Variants in LARGE1 observed in about 807,000 individuals in gnomAD.
The protein encoded by LARGE1 is xylosyl- and glucuronyltransferase LARGE1.
A neutral mutation model predicts 87.6 loss-of-function variants in LARGE1; 43 were observed. The observed-to-expected ratio is 0.49, with a 90% CI of 0.38 to 0.63. LARGE1 has a LOEUF of 0.63. Among genes scored for constraint, LARGE1 ranks in the 30% least tolerant of loss-of-function variants. The pLI, the probability that LARGE1 is intolerant of heterozygous loss-of-function variation, is 0.00. For missense variants in LARGE1, 802 were observed against 1,000.2 expected (o/e 0.80, Z 2.67); for synonymous variants, 434 against 394.6 (o/e 1.10, Z -1.18).
At chr22:33,424,469 G>C (rs2066803673) in intron 7 of LARGE1, among the ~76,000 whole-genome samples, 1 of 152,152 alleles carries the variant, frequency 6.6e-6, no homozygotes, top group Non-Finnish European at 1.5e-5. Flanking sequence ...TGATTAAGCA[G>C]GTGCAATGAT....
At chr22:33,106,527 G>T in the LARGE1 span, among the ~76,000 whole-genome samples, 8 of 150,590 alleles carry the variant, frequency 5.3e-5, no homozygotes, top group Non-Finnish European at 1.0e-4. Context: ...ACGGAATCTT[G>T]CTCTGTCGCC....
chr22:33,398,131 C>T (rs976311032), intron 7 of LARGE1, among the ~76,000 whole-genome samples: 3 of 151,940 alleles, frequency 2.0e-5, no homozygotes, highest in African/African-American at 7.3e-5. Flanking sequence ...CAACAGAGAC[C>T]CCCTTCTCAA....
At chr22:33,877,879 G>C (rs1274867320) in intron 1 of LARGE1, among the ~76,000 whole-genome samples, 1 of 151,594 alleles carries the variant, frequency 6.6e-6, no homozygotes, top group Non-Finnish European at 1.5e-5. Context: ...CCGAGATCAT[G>C]CCACTCCACT....
intron 7 of LARGE1, among the ~76,000 whole-genome samples, chr22:33,424,376 G>C (rs531756435): frequency 3.2e-4 from 48 of 152,266 alleles, no homozygotes; most frequent in African/African-American, 9.9e-4. Context: ...AGGTGTAGAA[G>C]CCATCTCTCA....
At chr22:33,682,190 ATCTGTTGTAC>A (rs1158242362) in intron 2 of LARGE1, among the ~76,000 whole-genome samples, 1 of 152,222 alleles carries the variant, frequency 6.6e-6, no homozygotes, top group African/African-American at 2.4e-5. Flanking sequence ...TATTATATAA[ATCTGTTGTAC>A]TCCTCCAGTT....
At chr22:33,672,204 G>A (rs1479427500) in intron 2 of LARGE1, among the ~76,000 whole-genome samples, 5 of 152,122 alleles carry the variant, frequency 3.3e-5, no homozygotes, top group African/African-American at 4.8e-5. Flanking sequence ...AGGTACCCAC[G>A]TGTCTCTCAC....
chr22:33,235,018 T>A (rs1926184366), intron 11 of LARGE1, among the ~76,000 whole-genome samples: 1 of 152,222 alleles, frequency 6.6e-6, no homozygotes, highest in South Asian at 2.1e-4. Flanking sequence ...ATAACTTGCA[T>A]GAGGACTCAA....
chr22:33,183,866 A>G (rs1025812984), intron 11 of LARGE1, among the ~76,000 whole-genome samples: 2 of 152,002 alleles, frequency 1.3e-5, no homozygotes, highest in African/African-American at 2.4e-5. Context: ...GAAGAAATGG[A>G]GAGATGTTGG....
intron 2 of LARGE1, among the ~76,000 whole-genome samples, chr22:33,677,306 A>G (rs1007671399): frequency 6.6e-6 from 1 of 151,326 alleles, no homozygotes; most frequent in African/African-American, 2.4e-5. Context: ...AAAAAAAAAA[A>G]AGAAAAGAAA....
chr22:33,341,892 A>G (rs1171138657), intron 9 of LARGE1, among the ~76,000 whole-genome samples: 8 of 152,174 alleles, frequency 5.3e-5, no homozygotes, highest in Admixed American at 5.2e-4. Flanking sequence ...TACCCTCTCA[A>G]AGATGGGGCA....
the LARGE1 span, among the ~76,000 whole-genome samples, chr22:33,079,822 A>G: frequency 9.5e-4 from 144 of 152,284 alleles, 2 homozygotes; most frequent in East Asian, 0.021. Flanking sequence ...CAAGAAAAGA[A>G]GAAGGAAGGA....
At chr22:33,085,114 A>T in the LARGE1 span, among the ~76,000 whole-genome samples, 1 of 152,156 alleles carries the variant, frequency 6.6e-6, no homozygotes, top group Non-Finnish European at 1.5e-5. Flanking sequence ...CGTCTCTACT[A>T]AAAATACAAA....
intron 6 of LARGE1, among the ~76,000 whole-genome samples, chr22:33,451,857 G>A (rs568319741): frequency 1.4e-4 from 21 of 151,966 alleles, no homozygotes; most frequent in Non-Finnish European, 2.4e-4. Context: ...GCCCCCGGCC[G>A]GGAGTCTCTC....
chr22:33,498,977 A>C (rs2070298401), intron 6 of LARGE1, among the ~76,000 whole-genome samples: 1 of 152,226 alleles, frequency 6.6e-6, no homozygotes, highest in Non-Finnish European at 1.5e-5. Context: ...GTCTCAAAAA[A>C]ATAAATACAT....
At chr22:33,539,591 C>CTT (rs201930031) in intron 6 of LARGE1, among the ~76,000 whole-genome samples, 14 of 142,680 alleles carry the variant, frequency 9.8e-5, no homozygotes, top group South Asian at 2.2e-4. Context: ...ATCCTCCAAA[C>CTT]TTTTTTTTTT....
At chr22:33,178,342 A>G (rs1005589113) in intron 11 of LARGE1, among the ~76,000 whole-genome samples, 1 of 152,096 alleles carries the variant, frequency 6.6e-6, no homozygotes, top group Non-Finnish European at 1.5e-5. Flanking sequence ...TGATCTGAAC[A>G]CTGGAGTCTT....
intron 4 of LARGE1, among the ~76,000 whole-genome samples, chr22:33,616,590 AATACAATGGGGTATATTC>A (rs2079588881): frequency 6.6e-6 from 1 of 152,144 alleles, no homozygotes; most frequent in Admixed American, 6.5e-5. Context: ...ATGAATGGAT[AATACAATGGGGTATATTC>A]ATACAATGGA....
intron 9 of LARGE1, 121 bp from the exon 10 acceptor site, chr22:33,337,922 C>T: frequency 9.0e-7 from 1 of 1,115,672 alleles, no homozygotes; most frequent in Non-Finnish European, 1.3e-6. Context: ...CTCATTCGCT[C>T]ATTCAACATT....
At chr22:33,604,319 C>T in intron 5 of LARGE1, 116 bp downstream of exon 5, 1 of 1,369,366 alleles carries the variant, frequency 7.3e-7, no homozygotes, top group Non-Finnish European at 1.0e-6. Flanking sequence ...TCCTTACGCC[C>T]TACACATTTT....
Sources: allele counts gnomAD v4.1 joint callset (sites outside exome capture counted in the v4.1 genomes callset), GRCh38; gene constraint gnomAD v4.1.1; transcripts MANE v1.5; gene names NCBI Gene and HGNC (gene_info 2026-07-23, HGNC 2026-07-21).